The following PRH1 variants were observed in gnomAD, a reference collection of about 807,000 sequenced individuals.
PRH1 encodes salivary acidic proline-rich phosphoprotein 1/2.
Under a neutral mutation model 7.9 loss-of-function variants are expected in PRH1, and 7 were observed. The ratio of observed to expected loss-of-function variants is 0.89; its 90% CI spans 0.50 to 1.67. The LOEUF is 1.67. PRH1 is among the 40% of genes most tolerant of loss of function. The probability of loss-of-function intolerance (pLI) is 0.00; values close to 1 mark genes in which losing one functional copy is unlikely to be tolerated. For synonymous variants in PRH1, 45 were observed against 80.8 expected (o/e 0.56, Z 2.38); for missense variants, 109 against 223.6 (o/e 0.49, Z 3.27).
At chr12:11,070,123 G>A (rs1207751322) in intron 1 of PRH1, among the ~76,000 whole-genome samples, 1 of 151,840 alleles carries the variant, frequency 6.6e-6, no homozygotes, top group Admixed American at 6.6e-5. Flanking sequence ...TTGACACCCT[G>A]CCTCTCTAAA....
At chr12:10,910,046 A>T (rs1024118462) in intron 2 of PRH1, among the ~76,000 whole-genome samples, 2 of 152,178 alleles carry the variant, frequency 1.3e-5, no homozygotes, top group Non-Finnish European at 2.9e-5. Flanking sequence ...AAATTTTACA[A>T]AATCAGCAAC....
At chr12:10,920,560 AC>A (rs1950032045) in intron 2 of PRH1, among the ~76,000 whole-genome samples, 1 of 152,116 alleles carries the variant, frequency 6.6e-6, no homozygotes, top group African/African-American at 2.4e-5. Flanking sequence ...ATTTTAATGG[AC>A]CAGTGCTGGT....
chr12:11,065,641 T>C (rs1943775629), intron 1 of PRH1, among the ~76,000 whole-genome samples: 1 of 145,520 alleles, frequency 6.9e-6, no homozygotes, highest in South Asian at 2.1e-4. Flanking sequence ...AAATGAACTT[T>C]TATTCTCTTG....
chr12:11,141,583 A>T (rs1946705479), intron 1 of PRH1, among the ~76,000 whole-genome samples: 1 of 152,180 alleles, frequency 6.6e-6, no homozygotes, highest in Non-Finnish European at 1.5e-5. Context: ...CTCATTTTAC[A>T]ACTACTCTAT....
chr12:11,155,620 T>C (rs1459615512), intron 1 of PRH1, among the ~76,000 whole-genome samples: 1 of 152,190 alleles, frequency 6.6e-6, no homozygotes, highest in African/African-American at 2.4e-5. Flanking sequence ...TCTTCTTGTT[T>C]ATGACTTCTT....
intron 1 of PRH1, among the ~76,000 whole-genome samples, chr12:11,043,164 T>C (rs1942779307): frequency 1.3e-5 from 2 of 152,144 alleles, no homozygotes; most frequent in African/African-American, 4.8e-5. Context: ...ATCAATGTAA[T>C]ACATCATATC....
chr12:11,103,379 G>A (rs1373637555), intron 1 of PRH1, among the ~76,000 whole-genome samples: 1 of 152,082 alleles, frequency 6.6e-6, no homozygotes, highest in African/African-American at 2.4e-5. Context: ...ATGAGTTCAC[G>A]TCCCTTGTAG....
chr12:10,889,963 A>T (rs531125050), intron 2 of PRH1, among the ~76,000 whole-genome samples: 5 of 152,326 alleles, frequency 3.3e-5, no homozygotes, highest in Non-Finnish European at 4.4e-5. Flanking sequence ...CAGCTCCTGT[A>T]AAGTCTTTGG....
At chr12:10,908,356 G>A (rs1442189230) in intron 2 of PRH1, 1 of 1,577,636 alleles carries the variant, frequency 6.3e-7, no homozygotes, top group Non-Finnish European at 8.6e-7. Context: ...AATAATCTGT[G>A]GTCTGAATGG....
intron 2 of PRH1, among the ~76,000 whole-genome samples, chr12:10,918,762 T>G: frequency 6.6e-6 from 1 of 152,216 alleles, no homozygotes; most frequent in East Asian, 1.9e-4. Flanking sequence ...TTTACCATAG[T>G]ACTATACTAA....
At chr12:10,883,298 C>T (rs772196702) in intron 1 of PRH1, among the ~76,000 whole-genome samples, 35 of 152,180 alleles carry the variant, frequency 2.3e-4, no homozygotes, top group Non-Finnish European at 3.8e-4. Flanking sequence ...CAACCAGGAA[C>T]TCAACATAGA....
At chr12:10,908,226 G>A (rs1949834295) in intron 2 of PRH1, 2 of 556,210 alleles carry the variant, frequency 3.6e-6, no homozygotes, top group Non-Finnish European at 6.1e-6. Flanking sequence ...TCTTAGGTAA[G>A]ATGCTATTAT....
At chr12:11,030,115 T>C (rs1285624031) in intron 1 of PRH1, among the ~76,000 whole-genome samples, 1 of 152,282 alleles carries the variant, frequency 6.6e-6, no homozygotes, top group East Asian at 1.9e-4. Flanking sequence ...TATACATGGC[T>C]TCAAAATTCT....
At chr12:11,135,136 T>A (rs1291468031) in intron 1 of PRH1, among the ~76,000 whole-genome samples, 1 of 152,134 alleles carries the variant, frequency 6.6e-6, no homozygotes, top group South Asian at 2.1e-4. Flanking sequence ...TATTATTTAA[T>A]TAAAATGTTC....
chr12:10,945,968 T>A (rs1490617300), intron 2 of PRH1, among the ~76,000 whole-genome samples: 1 of 152,200 alleles, frequency 6.6e-6, no homozygotes, highest in Non-Finnish European at 1.5e-5. Context: ...GTTAAGGTTA[T>A]CTCCCTTTTT....
chr12:11,011,764 T>C (rs1188559288), intron 1 of PRH1, among the ~76,000 whole-genome samples: 1 of 152,128 alleles, frequency 6.6e-6, no homozygotes, highest in Non-Finnish European at 1.5e-5. Flanking sequence ...AAGGCCAACA[T>C]TCCTTAAAAT....
intron 1 of PRH1, chr12:11,061,870 C>T: frequency 6.2e-7 from 1 of 1,614,056 alleles, no homozygotes; most frequent in Non-Finnish European, 8.5e-7. Context: ...AAAAAGATGA[C>T]AAACCAAAAA....
At chr12:11,041,307 A>AAAAC (rs1942700436) in intron 1 of PRH1, among the ~76,000 whole-genome samples, 3 of 97,216 alleles carry the variant, frequency 3.1e-5, no homozygotes, top group African/African-American at 8.9e-5. Context: ...AAAAAAAAAA[A>AAAAC]AAAACAAAAA....
intron 2 of PRH1, among the ~76,000 whole-genome samples, chr12:10,923,418 C>T (rs1183166875): frequency 1.3e-5 from 2 of 152,228 alleles, no homozygotes; most frequent in African/African-American, 2.4e-5. Flanking sequence ...CGTGAGCCAA[C>T]ATGCCCAGCC....
Sources: gnomAD v4.1 joint callset for allele counts (sites outside exome capture counted in the v4.1 genomes callset) on GRCh38, gnomAD v4.1.1 for gene constraint, MANE v1.5 for transcripts, NCBI Gene and HGNC (gene_info 2026-07-23, HGNC 2026-07-21) for gene names.